Variants in WDFY3 observed in about 807,000 individuals in gnomAD.
The protein encoded by WDFY3 is WD repeat and FYVE domain-containing protein 3.
A neutral mutation model predicts 409.6 loss-of-function variants in WDFY3; 66 were observed. The observed-to-expected ratio is 0.16, with a 90% confidence interval of 0.13 to 0.20. The LOEUF is 0.20. WDFY3 is among the 10% of genes least tolerant of loss of function. The pLI, the probability that WDFY3 is intolerant of heterozygous loss-of-function variation, is 1.00. For missense variants in WDFY3, 3,031 were observed against 4,298.1 expected (o/e 0.71, Z 8.24); for synonymous variants, 1,521 against 1,537.1 (o/e 0.99, Z 0.25).
chr4:84,776,363 C>G lies in WDFY3; in HGVS notation c.4519-1225G>C, dbSNP rs1009352494. 2.0e-5 allele frequency among the ~76,000 whole-genome samples: 3 copies of G among 151,894 alleles called. No individual in the cohort carries two copies. In the South Asian group the frequency reaches 6.2e-4, roughly 32 times the overall value. Reference sequence around the variant, plus strand: ...TGGTAAATTAGGTATTTATAGACTACTTGTGGTTTGGAGTAATTAGGGATG... The same window carrying G: ...TGGTAAATTAGGTATTTATAGACTAGTTGTGGTTTGGAGTAATTAGGGATG... On this transcript the variant is annotated intron_variant, in intron 27 of 67. Coordinates refer to ENST00000295888, the MANE Select transcript of WDFY3 (RefSeq NM_014991.6).
chr4:84,950,451 T>A (rs1186009896), intron 1 of WDFY3, among the ~76,000 whole-genome samples: 1 of 151,916 alleles, frequency 6.6e-6, no homozygotes, highest in Non-Finnish European at 1.5e-5. Context: ...TAATATAGGC[T>A]AAACTAGTAT....
chr4:84,841,003 A>T, intron 6 of WDFY3, 151 bp downstream of exon 6: 1 of 677,192 alleles, frequency 1.5e-6, no homozygotes, highest in Non-Finnish European at 2.4e-6. Flanking sequence ...TGTTATGAGA[A>T]GCATGAAATA....
At chr4:84,731,016 C>T (rs1228939878) in intron 44 of WDFY3, among the ~76,000 whole-genome samples, 3 of 152,100 alleles carry the variant, frequency 2.0e-5, no homozygotes, top group Non-Finnish European at 2.9e-5. Context: ...AGGATGGTCT[C>T]GAACTCCCGA....
chr4:84,864,083 G>A (rs754698924), intron 3 of WDFY3, among the ~76,000 whole-genome samples: 3 of 151,972 alleles, frequency 2.0e-5, no homozygotes. Flanking sequence ...AATGCTATTG[G>A]AGGCCAGGCG....
intron 2 of WDFY3, among the ~76,000 whole-genome samples, chr4:84,904,154 C>T (rs910658744): frequency 6.6e-6 from 1 of 152,094 alleles, no homozygotes; most frequent in African/African-American, 2.4e-5. Context: ...GGAAGTGGGC[C>T]CTCACCAGAC....
intron 3 of WDFY3, among the ~76,000 whole-genome samples, chr4:84,867,209 C>T (rs980691184): frequency 1.3e-5 from 2 of 152,048 alleles, no homozygotes; most frequent in African/African-American, 4.8e-5. Flanking sequence ...TTTTTATATG[C>T]ATTTTTAGTT....
At chr4:84,786,685 T>C (rs1747614082) in intron 23 of WDFY3, among the ~76,000 whole-genome samples, 1 of 152,156 alleles carries the variant, frequency 6.6e-6, no homozygotes, top group African/African-American at 2.4e-5. Context: ...TTCTGTGAAA[T>C]GGGAATGATA....
At chr4:84,787,079 T>C (rs1747685327) in intron 23 of WDFY3, among the ~76,000 whole-genome samples, 1 of 152,194 alleles carries the variant, frequency 6.6e-6, no homozygotes, top group African/African-American at 2.4e-5. Flanking sequence ...AAAAATAATG[T>C]TAAGTGATCT....
chr4:84,943,889 A>C (rs1309554290), intron 1 of WDFY3, among the ~76,000 whole-genome samples: 1 of 152,216 alleles, frequency 6.6e-6, no homozygotes, highest in Non-Finnish European at 1.5e-5. Context: ...CATAAAGTCT[A>C]AAATTAGCAA....
intron 10 of WDFY3, among the ~76,000 whole-genome samples, chr4:84,824,596 G>A (rs1266391573): frequency 6.6e-6 from 1 of 152,082 alleles, no homozygotes; most frequent in Non-Finnish European, 1.5e-5. Context: ...GGGTTAAGGT[G>A]GGGAGGACTG....
intron 41 of WDFY3, among the ~76,000 whole-genome samples, chr4:84,736,820 T>C (rs887962447): frequency 1.3e-5 from 2 of 152,138 alleles, no homozygotes; most frequent in African/African-American, 4.8e-5. Flanking sequence ...AATTAGGTTC[T>C]GTTATAAAGT....
Position 84,826,901 on chromosome 4 carries a change from C to G in WDFY3, c.1037G>C (p.Gly346Ala). 1 of 1,610,868 alleles carries G rather than the reference C, an allele frequency of 6.2e-7. No homozygotes were observed. The highest frequency in any genetic ancestry group is 8.5e-7 in the Non-Finnish European group (1 of 1,179,140). Residue 346 changes from glycine (G) to alanine (A), a missense_variant, in exon 10 of 68, where the codon GGT (glycine) becomes GCT (alanine). Gly to Ala is a moderately conservative substitution (Grantham distance 60). This residue lies in a region of WDFY3 where 1,322 missense variants were observed against 1,697.9 expected (regional missense o/e 0.78). Coordinates refer to ENST00000295888, the MANE Select transcript of WDFY3 (RefSeq NM_014991.6). ...VNLITSLTTY[G>A]VSELKPAGIT... ...ACCAGCTGGTTTTAGTTCACTGACA[C>G]CATATGTTGTTAGGGAAGTTATCAG...
At position 84,753,789 on chromosome 4, in the gene WDFY3, G is replaced by A; in HGVS notation, c.5647C>T (p.Pro1883Ser). The A allele has an allele frequency of 1.2e-6, 2 of 1,612,374 alleles. No homozygotes were observed. Among genetic ancestry groups the A allele is most frequent in the Non-Finnish European group, 1.7e-6 (2 of 1,179,296 alleles). ...QFFRYLYHNV[P>S]DLASMWMSPD... ...CTCATCCACATGGAGGCAAGGTCTG[G>A]CACGTTGTGATACAAATATCTGAAG... The change falls in exon 35 of 68, where the codon CCA becomes TCA. Residue 1883 changes from proline (P) to serine (S), a missense_variant. Physicochemically the swap from Pro to Ser is moderately conservative, Grantham distance 74 (BLOSUM62 -1). Transcript: ENST00000295888.
At chr4:84,885,112 T>C (rs959924805) in intron 3 of WDFY3, among the ~76,000 whole-genome samples, 1 of 152,204 alleles carries the variant, frequency 6.6e-6, no homozygotes, top group Non-Finnish European at 1.5e-5. Flanking sequence ...GCAATTCTCC[T>C]GTCTCAGCCT....
chr4:84,793,788 A>C (rs906219270), intron 21 of WDFY3, among the ~76,000 whole-genome samples: 6 of 152,186 alleles, frequency 3.9e-5, no homozygotes, highest in Non-Finnish European at 7.4e-5. Flanking sequence ...CAACCTTACA[A>C]TCTAATTAAA....
intron 17 of WDFY3, among the ~76,000 whole-genome samples, chr4:84,800,214 T>C (rs1750274342): frequency 6.6e-6 from 1 of 152,172 alleles, no homozygotes; most frequent in Non-Finnish European, 1.5e-5. Context: ...TAATCCACAA[T>C]CAGTTTGGAG....
At chr4:84,823,217 A>G (rs1307680632) in intron 10 of WDFY3, among the ~76,000 whole-genome samples, 2 of 152,130 alleles carry the variant, frequency 1.3e-5, no homozygotes, top group Admixed American at 6.6e-5. Context: ...TATTTTCAAC[A>G]AAGGGTCTTG....
rs1165273561 is a variant in WDFY3 at position 84,744,852 on chromosome 4, CAAAAAAAAAAAAA to C, written c.5974-1066_5974-1054del. ...TGGGCGACAGAGCGAGACTCCGTCT[CAAAAAAAAAAAAA>C]AAAAAAAAAAAAAAAGTAAGAAGGA... On this transcript the variant is annotated intron_variant, in intron 36 of 67. Transcript: ENST00000295888. 9.5e-4 allele frequency among the ~76,000 whole-genome samples: 15 copies of C among 15,744 alleles called. No individual in the cohort carries two copies. In the East Asian group the frequency reaches 0.01, roughly 11 times the overall value. 10.3% of individuals were successfully genotyped at this position (15,744 alleles called of 152,430 possible).
chr4:84,872,757 A>G (rs889884258), intron 3 of WDFY3, among the ~76,000 whole-genome samples: 1 of 152,214 alleles, frequency 6.6e-6, no homozygotes, highest in African/African-American at 2.4e-5. Flanking sequence ...AACATAAATA[A>G]TCAGATAGGT....
Sources: allele counts gnomAD v4.1 joint callset (sites outside exome capture counted in the v4.1 genomes callset), GRCh38; gene constraint gnomAD v4.1.1; regional missense constraint gnomAD v4.1.1; transcripts MANE v1.5; gene names NCBI Gene and HGNC (gene_info 2026-07-23, HGNC 2026-07-21).